PARVA: variants seen among roughly 807,000 people sequenced by gnomAD.
PARVA encodes the protein parvin alpha, also known as alpha-parvin.
Under a neutral mutation model 52.6 loss-of-function variants are expected in PARVA, and 25 were observed. That is an observed-to-expected ratio of 0.48 (90% CI 0.35 to 0.66). PARVA has a LOEUF of 0.66. PARVA is among the 30% of genes least tolerant of loss of function. The pLI is 0.01. For synonymous variants in PARVA, 185 were observed against 179.1 expected (o/e 1.03, Z -0.26); for missense variants, 373 against 450.9 (o/e 0.83, Z 1.56).
rs527523900 is a variant in PARVA at position 12,457,026 on chromosome 11, A to G, written c.137-16719A>G. 3.9e-5 allele frequency among the ~76,000 whole-genome samples: 6 copies of G among 152,254 alleles called. No homozygotes were observed. The East Asian group carries it at 9.7e-4, about 24-fold the overall frequency. On this transcript the variant is annotated intron_variant, in intron 1 of 12. Transcript: ENST00000334956. ...ATGGCCTTTGCCACTCTATGCTTAT[A>G]TTGTGCGTGTTTATTTTTGTGTACG...
rs189533059 is a variant in PARVA, at chr11:12,422,948, C to T, written c.136+45165C>T. Among the ~76,000 whole-genome samples, 538 of 152,162 alleles carry T rather than the reference C, an allele frequency of 3.5e-3. 3 individuals carry two copies. Among genetic ancestry groups the T allele is most frequent in the African/African-American group, 0.012 (511 of 41,524 alleles). ...TCAGCTCACTGCAACCTCCACCTCC[C>T]GGTTCAAGCAATTCTCGCGCCTCAG... is the stretch of plus-strand genomic sequence containing the variant. On this transcript the variant is annotated intron_variant, in intron 1 of 12. Coordinates refer to ENST00000334956, the MANE Select transcript of PARVA (RefSeq NM_018222.5).
chr11:12,481,191 G>A (rs1302069017), intron 4 of PARVA, among the ~76,000 whole-genome samples: 2 of 152,092 alleles, frequency 1.3e-5, no homozygotes, highest in Non-Finnish European at 2.9e-5. Context: ...AATTCTTATG[G>A]TAGTGTTCTA....
At chr11:12,464,236 A>G (rs948172047) in intron 1 of PARVA, among the ~76,000 whole-genome samples, 3 of 152,178 alleles carry the variant, frequency 2.0e-5, no homozygotes, top group Admixed American at 2.0e-4. Flanking sequence ...AGAGAGATAT[A>G]CACATATCTT....
At chr11:12,499,618 C>A (rs1416154139) in intron 5 of PARVA, among the ~76,000 whole-genome samples, 1 of 151,800 alleles carries the variant, frequency 6.6e-6, no homozygotes. Flanking sequence ...AGTAAGAATT[C>A]TTTTATTCCC....
chr11:12,407,921 G>C (rs538130768), intron 1 of PARVA, among the ~76,000 whole-genome samples: 17 of 152,296 alleles, frequency 1.1e-4, no homozygotes, highest in South Asian at 4.1e-4. Flanking sequence ...TAAAACACAG[G>C]CTTCTCTGTT....
At chr11:12,509,128 T>C (rs555789489) in intron 7 of PARVA, among the ~76,000 whole-genome samples, 40 of 147,194 alleles carry the variant, frequency 2.7e-4, no homozygotes, top group Non-Finnish European at 4.6e-4. Flanking sequence ...TCAGAACCTA[T>C]CAAAATTTTG....
At chr11:12,467,834 GGTT>G in intron 1 of PARVA, among the ~76,000 whole-genome samples, 1 of 152,198 alleles carries the variant, frequency 6.6e-6, no homozygotes, top group South Asian at 2.1e-4. Flanking sequence ...CAGTGGGCGT[GGTT>G]CAGGGAATGT....
chr11:12,377,746 C>T lies in PARVA; in HGVS notation c.99C>T (p.Leu33=), dbSNP rs769246902. Residue 33 remains leucine (L), a synonymous_variant, in exon 1 of 13, where the codon CTC becomes CTT. Transcript: ENST00000334956. The part of the protein sequence containing the change: ...RKKDDSFLGK[L]GGTLARRKKA... ...AAGATGATTCCTTCTTGGGGAAACT[C>T]GGAGGGACCCTGGCCCGGAGGAAGA... 35 of 1,548,924 alleles carry T rather than the reference C, an allele frequency of 2.3e-5. No individual in the cohort carries two copies. Among genetic ancestry groups the T allele is most frequent in the Non-Finnish European group, 2.9e-5 (33 of 1,152,898 alleles).
At chr11:12,428,718 G>A (rs941804919) in intron 1 of PARVA, among the ~76,000 whole-genome samples, 19 of 152,140 alleles carry the variant, frequency 1.2e-4, no homozygotes, top group African/African-American at 3.9e-4. Context: ...ATTGACTAGC[G>A]GAGCAAATAC....
chr11:12,484,808 C>CTTTTTTTT (rs1177057401), intron 4 of PARVA, among the ~76,000 whole-genome samples: 1 of 102,638 alleles, frequency 9.7e-6, no homozygotes, highest in Non-Finnish European at 2.0e-5. Context: ...TTTTTGTTGA[C>CTTTTTTTT]TTTTTTTTTT....
chr11:12,508,599 C>T lies in PARVA; in HGVS notation c.673C>T (p.Leu225Phe), dbSNP rs781731843. 6.2e-7 allele frequency: 1 copy of T among 1,609,512 alleles called. No individual in the cohort carries two copies. Among genetic ancestry groups the T allele is most frequent in the East Asian group, 2.2e-5 (1 of 44,446 alleles). ...CCCATTTCAGAAACGAGAAGGAATC[C>T]TCCAGTCTCGGCAAATCCAAGAGGA... ...VVVVQKREGI[L>F]QSRQIQEEIT... The change falls in exon 7 of 13, where the codon CTC (leucine) becomes TTC (phenylalanine). Residue 225 changes from leucine to phenylalanine, a missense_variant. Coordinates refer to ENST00000334956, the MANE Select transcript of PARVA (RefSeq NM_018222.5).
intron 10 of PARVA, among the ~76,000 whole-genome samples, chr11:12,514,320 CTCTT>C (rs1164565704): frequency 6.6e-6 from 1 of 152,252 alleles, no homozygotes. Flanking sequence ...ACACCTCTCT[CTCTT>C]TCTCTGCACC....
At chr11:12,477,778 C>T (rs1564857419) in intron 3 of PARVA, 69 bp from the exon 4 acceptor site, 4 of 817,484 alleles carry the variant, frequency 4.9e-6, no homozygotes, top group Non-Finnish European at 8.5e-6. Flanking sequence ...GATAAGAAAG[C>T]TGGTCTGTAA....
chr11:12,492,097 T>C (rs1251847733), intron 4 of PARVA, among the ~76,000 whole-genome samples: 3 of 152,234 alleles, frequency 2.0e-5, no homozygotes, highest in Non-Finnish European at 4.4e-5. Flanking sequence ...TACGTTAATA[T>C]AGTGTGGTAT....
At chr11:12,526,145 TA>T (rs1448718148) in intron 12 of PARVA, among the ~76,000 whole-genome samples, 1 of 152,168 alleles carries the variant, frequency 6.6e-6, no homozygotes, top group East Asian at 1.9e-4. Context: ...ATGGGCACAC[TA>T]AAATCTCAGA....
chr11:12,481,309 A>T (rs1440769510), intron 4 of PARVA, among the ~76,000 whole-genome samples: 1 of 152,046 alleles, frequency 6.6e-6, no homozygotes, highest in African/African-American at 2.4e-5. Flanking sequence ...TATTTATTTT[A>T]TACTTTGGGT....
At chr11:12,508,112 A>C (rs1436312127) in intron 6 of PARVA, among the ~76,000 whole-genome samples, 17 of 128,390 alleles carry the variant, frequency 1.3e-4, no homozygotes, top group South Asian at 2.4e-4. Context: ...AAAAAAAAAA[A>C]AAAAAAAAAA....
At chr11:12,404,730 G>A (rs536964851) in intron 1 of PARVA, among the ~76,000 whole-genome samples, 24 of 152,216 alleles carry the variant, frequency 1.6e-4, no homozygotes, top group Non-Finnish European at 3.1e-4. Flanking sequence ...TGAGTCATTA[G>A]GGGTCCTGGC....
intron 1 of PARVA, among the ~76,000 whole-genome samples, chr11:12,472,175 T>C (rs575165049): frequency 1.3e-5 from 2 of 152,296 alleles, no homozygotes; most frequent in East Asian, 3.9e-4. Context: ...AGGAGGATTG[T>C]CTTAGGCCAC....
Sources: gnomAD v4.1 joint callset for allele counts (sites outside exome capture counted in the v4.1 genomes callset) on GRCh38, gnomAD v4.1.1 for gene constraint, MANE v1.5 for transcripts, NCBI Gene and HGNC (gene_info 2026-07-23, HGNC 2026-07-21) for gene names.